ZNF705B: variants seen among roughly 807,000 people sequenced by gnomAD.
The protein encoded by ZNF705B is zinc finger protein 705B, also known as Putative zinc finger protein 705D-like protein LOC100132396.
A neutral mutation model predicts 10.5 loss-of-function variants in ZNF705B; 1 was observed. The ratio of observed to expected loss-of-function variants is 0.10; its 90% CI spans 0.03 to 0.45. ZNF705B has a LOEUF of 0.45. Ranked by LOEUF, ZNF705B falls within the 20% of genes least tolerant of loss-of-function variation. The pLI, the probability that ZNF705B is intolerant of heterozygous loss-of-function variation, is 0.97. For missense variants in ZNF705B, 14 were observed against 84.0 expected (o/e 0.17, Z 3.26); for synonymous variants, 4 against 25.4 (o/e 0.16, Z 2.53).
chr8:7,930,850 T>G lies in ZNF705B; in HGVS notation c.-72+414T>G, dbSNP rs1218925257. ...ATGTGTTGTGTTATTTTTTTTGTTT[T>G]TTTTTTTGTTGTTGTTGTTGTTTTG... On this transcript the variant is annotated intron_variant, in intron 2 of 6. Coordinates refer to ENST00000400120, the MANE Select transcript of ZNF705B (RefSeq NM_001193630.1). Among the ~76,000 whole-genome samples, 15 of 106,516 alleles carry G rather than the reference T, an allele frequency of 1.4e-4. 1 individual carries two copies. Among genetic ancestry groups the G allele is most frequent in the Admixed American group, 1.3e-3 (12 of 9,204 alleles). 69.9% of individuals were successfully genotyped at this position (106,516 alleles called of 152,430 possible).
In ZNF705B at chr8:7,938,870, AAG is replaced by A. The variant is rs1477139584; in HGVS notation, c.-72+8437_-72+8438del. ...AGTGGAATGTCTCTGTTTGGATAAT[AAG>A]AGTCTTTCTGTACCTCCTTAGGGAT... On this transcript the variant is annotated intron_variant, in intron 2 of 6. Coordinates refer to ENST00000400120, the MANE Select transcript of ZNF705B (RefSeq NM_001193630.1). The A allele has an allele frequency of 4.7e-5, 26 of 549,618 alleles. No individual in the cohort carries two copies. In the African/African-American group the frequency reaches 5.7e-4, roughly 12 times the overall value. 34.0% of individuals were successfully genotyped at this position (549,618 alleles called of 1,614,324 possible). A position where few individuals can be genotyped will look rare whatever the true frequency, so the allele number is the denominator to read the frequency against.
chr8:7,926,497 A>G (rs1819690175), intron 1 of ZNF705B, 100 bp downstream of exon 1: 1 of 116,302 alleles, frequency 8.6e-6, no homozygotes, highest in Non-Finnish European at 2.0e-5. Context: ...AATGTAGACA[A>G]CAGATTTCAG....
At chr8:7,933,085 C>A (rs2698887) in intron 2 of ZNF705B, among the ~76,000 whole-genome samples, 56,402 of 115,140 alleles carry the variant, frequency 0.49, 13,581 homozygotes, top group South Asian at 0.67. Flanking sequence ...AATCAGCTGA[C>A]CTTAAAATAG....
At chr8:7,936,387 GA>G (rs1297319968) in intron 2 of ZNF705B, among the ~76,000 whole-genome samples, 7 of 118,454 alleles carry the variant, frequency 5.9e-5, no homozygotes, top group Non-Finnish European at 1.0e-4. Flanking sequence ...ATATCCAAAG[GA>G]AAATAAATCA....
chr8:7,926,569 C>G (rs1400823014), intron 1 of ZNF705B, among the ~76,000 whole-genome samples, 172 bp downstream of exon 1: 23 of 105,940 alleles, frequency 2.2e-4, no homozygotes, highest in Non-Finnish European at 4.3e-4. Flanking sequence ...TTATCACCAT[C>G]ATTATTTGCT....
chr8:7,933,975 C>A (rs1388816632), intron 2 of ZNF705B, among the ~76,000 whole-genome samples: 2 of 110,082 alleles, frequency 1.8e-5, no homozygotes, highest in South Asian at 7.4e-4. Context: ...GTGTCTTACT[C>A]TGTCACCCAG....
intron 1 of ZNF705B, among the ~76,000 whole-genome samples, chr8:7,930,021 A>G (rs1479815473): frequency 2.0e-5 from 2 of 102,188 alleles, no homozygotes; most frequent in Admixed American, 1.3e-4. Context: ...CAGTAGGTAC[A>G]TGCGCAGATT....
chr8:7,929,672 C>T (rs1819787528), intron 1 of ZNF705B, among the ~76,000 whole-genome samples: 1 of 118,638 alleles, frequency 8.4e-6, no homozygotes, highest in Admixed American at 9.8e-5. Context: ...CTTTTTCTCT[C>T]TAGCTGAATT....
intron 2 of ZNF705B, among the ~76,000 whole-genome samples, chr8:7,937,250 T>A (rs1422127395): frequency 9.3e-5 from 11 of 118,302 alleles, no homozygotes; most frequent in African/African-American, 2.8e-4. Context: ...GCCCTCTCTC[T>A]GTGTCCTCCT....
chr8:7,934,692 C>CTGTGTGTGTGTGTGTGTGTGTGTG (rs772466497), intron 2 of ZNF705B: 2 of 78,994 alleles, frequency 2.5e-5, no homozygotes, highest in Non-Finnish European at 4.5e-5. Context: ...GTGTGTGTGT[C>CTGTGTGTGTGTGTGTGTGTGTGTG]TGTGTGTGTG....
intron 2 of ZNF705B, among the ~76,000 whole-genome samples, chr8:7,936,481 T>A (rs1277395799): frequency 8.5e-6 from 1 of 118,232 alleles, no homozygotes; most frequent in African/African-American, 2.6e-5. Flanking sequence ...TAGGTGTTCA[T>A]CAACAGTGGA....
chr8:7,929,136 T>C (rs1430197528), intron 1 of ZNF705B, among the ~76,000 whole-genome samples: 2 of 121,814 alleles, frequency 1.6e-5, no homozygotes, highest in Non-Finnish European at 4.0e-5. Context: ...ATGATTCATG[T>C]AGCACTTTCA....
At chr8:7,931,407 G>A (rs551890041) in intron 2 of ZNF705B, among the ~76,000 whole-genome samples, 34 of 121,902 alleles carry the variant, frequency 2.8e-4, no homozygotes, top group Admixed American at 7.4e-4. Context: ...GCTCTCAGGA[G>A]ACACACAGGT....
Position 7,949,198 on chromosome 8 carries a change from A to G in ZNF705B, c.82A>G (p.Lys28Glu). The change falls in exon 4 of 7, where the codon AAA (lysine) becomes GAA (glutamate). Residue 28 changes from lysine (K) to glutamate (E), a missense_variant. By Grantham distance (56) the Lys-to-Glu change is moderately conservative. Coordinates refer to ENST00000400120, the MANE Select transcript of ZNF705B (RefSeq NM_001193630.1). ...AGAGTGGGACATGATGGACACATCC[A>G]AAAGAAAGCTGTACAGAGATGTGAT... Reference protein sequence around the residue: ...QEEWDMMDTSKRKLYRDVMLE... With the variant: ...QEEWDMMDTSERKLYRDVMLE... 1.2e-6 allele frequency: 1 copy of G among 838,598 alleles called. No individual in the cohort carries two copies. Among genetic ancestry groups the G allele is most frequent in the Non-Finnish European group, 1.6e-6 (1 of 620,090 alleles). The allele number at this position is 838,598 out of a possible 1,614,324, so 51.9% of individuals were successfully genotyped here. A position where few individuals can be genotyped will look rare whatever the true frequency, so the allele number is the denominator to read the frequency against.
chr8:7,944,704 C>T (rs1200145846), intron 2 of ZNF705B, among the ~76,000 whole-genome samples: 3 of 88,578 alleles, frequency 3.4e-5, no homozygotes, highest in African/African-American at 1.1e-4. Context: ...GGCACGGTGG[C>T]TTACGCCTGT....
intron 1 of ZNF705B, among the ~76,000 whole-genome samples, chr8:7,927,923 G>A (rs1338217723): frequency 1.5e-4 from 21 of 138,832 alleles, no homozygotes; most frequent in Admixed American, 5.3e-4. Flanking sequence ...TAGAGAGGTC[G>A]AAAGGTATGC....
chr8:7,937,052 C>T (rs2128943688), intron 2 of ZNF705B, among the ~76,000 whole-genome samples: 1 of 117,508 alleles, frequency 8.5e-6, no homozygotes, highest in African/African-American at 2.6e-5. Context: ...CGGCCATTTG[C>T]TTTAGGAACA....
At chr8:7,937,066 G>T (rs1820035524) in intron 2 of ZNF705B, among the ~76,000 whole-genome samples, 1 of 116,484 alleles carries the variant, frequency 8.6e-6, no homozygotes, top group East Asian at 2.5e-4. Context: ...AGGAACAAAA[G>T]ATAGAGTTAC....
chr8:7,931,333 C>T (rs923221413), intron 2 of ZNF705B, among the ~76,000 whole-genome samples: 1 of 121,550 alleles, frequency 8.2e-6, no homozygotes, highest in African/African-American at 2.5e-5. Context: ...CAGGCTTTCA[C>T]CTGGTGCAAA....
Sources: gnomAD v4.1 joint callset for allele counts (sites outside exome capture counted in the v4.1 genomes callset) on GRCh38, gnomAD v4.1.1 for gene constraint, MANE v1.5 for transcripts, NCBI Gene and HGNC (gene_info 2026-07-23, HGNC 2026-07-21) for gene names.